The following CCSER1 variants were observed in gnomAD, a reference collection of about 807,000 sequenced individuals.
CCSER1 encodes serine-rich coiled-coil domain-containing protein 1.
A neutral mutation model predicts 82.0 loss-of-function variants in CCSER1; 41 were observed. The observed-to-expected ratio is 0.50, with a 90% CI of 0.39 to 0.65. The LOEUF is 0.65. Among genes scored for constraint, CCSER1 ranks in the 30% least tolerant of loss-of-function variants. The probability of loss-of-function intolerance (pLI) is 0.00; values close to 1 mark genes in which losing one functional copy is unlikely to be tolerated. For missense variants in CCSER1, 1,119 were observed against 1,064.2 expected (o/e 1.05, Z -0.72); for synonymous variants, 414 against 383.9 (o/e 1.08, Z -0.92).
chr4:91,200,842 A>T (rs1735847086), intron 10 of CCSER1, among the ~76,000 whole-genome samples: 1 of 152,028 alleles, frequency 6.6e-6, no homozygotes, highest in South Asian at 2.1e-4. Flanking sequence ...CATATCTATA[A>T]TGTATTTGAT....
At chr4:90,797,513 C>A (rs1756204377) in intron 7 of CCSER1, among the ~76,000 whole-genome samples, 1 of 152,154 alleles carries the variant, frequency 6.6e-6, no homozygotes. Flanking sequence ...GGATTTGATT[C>A]TGTTATGATG....
intron 10 of CCSER1, among the ~76,000 whole-genome samples, chr4:91,363,272 G>A (rs1432064757): frequency 6.6e-6 from 1 of 151,518 alleles, no homozygotes; most frequent in Admixed American, 6.6e-5. Flanking sequence ...TTTACGTCTA[G>A]CAGATTAATT....
chr4:90,822,366 T>C (rs888714108), intron 8 of CCSER1, among the ~76,000 whole-genome samples: 2 of 152,202 alleles, frequency 1.3e-5, no homozygotes, highest in Non-Finnish European at 2.9e-5. Flanking sequence ...TTGGACACTT[T>C]TATTTGTTTT....
At chr4:91,382,777 A>G (rs1751005598) in intron 10 of CCSER1, among the ~76,000 whole-genome samples, 1 of 152,016 alleles carries the variant, frequency 6.6e-6, no homozygotes, top group South Asian at 2.1e-4. Flanking sequence ...AAATGCAGAA[A>G]TCACCCGTCT....
chr4:90,653,563 C>G (rs1425390152), intron 6 of CCSER1, among the ~76,000 whole-genome samples: 1 of 151,976 alleles, frequency 6.6e-6, no homozygotes, highest in Non-Finnish European at 1.5e-5. Flanking sequence ...ACAGGGTGTA[C>G]ATTCGTAAGT....
At chr4:91,212,118 A>G (rs1454895248) in intron 10 of CCSER1, among the ~76,000 whole-genome samples, 1 of 152,056 alleles carries the variant, frequency 6.6e-6, no homozygotes, top group Non-Finnish European at 1.5e-5. Flanking sequence ...AAAATTTTAG[A>G]TAAAAGCATT....
chr4:91,553,377 G>T, intron 10 of CCSER1, among the ~76,000 whole-genome samples: 1 of 151,372 alleles, frequency 6.6e-6, no homozygotes, highest in Non-Finnish European at 1.5e-5. Flanking sequence ...CAATGTTCTT[G>T]TCTGGCTATG....
At chr4:90,386,986 T>C (rs551042436) in intron 3 of CCSER1, among the ~76,000 whole-genome samples, 20 of 152,314 alleles carry the variant, frequency 1.3e-4, no homozygotes, top group Middle Eastern at 6.8e-3. Flanking sequence ...TAGGAAACTT[T>C]TCTTTCTTGT....
intron 3 of CCSER1, among the ~76,000 whole-genome samples, chr4:90,365,571 G>T (rs191997457): frequency 6.6e-6 from 1 of 151,684 alleles, no homozygotes; most frequent in African/African-American, 2.4e-5. Flanking sequence ...TGCTTTGTAG[G>T]CTCCTATTTG....
chr4:90,613,981 T>C (rs1720733717), intron 5 of CCSER1, among the ~76,000 whole-genome samples: 1 of 152,162 alleles, frequency 6.6e-6, no homozygotes, highest in Admixed American at 6.5e-5. Context: ...TACACAGTGC[T>C]TCCCACATAC....
At chr4:90,912,085 C>A (rs1405111701) in intron 8 of CCSER1, among the ~76,000 whole-genome samples, 1 of 152,196 alleles carries the variant, frequency 6.6e-6, no homozygotes, top group African/African-American at 2.4e-5. Flanking sequence ...GCAGCAGAAA[C>A]CTCTGCAGAC....
chr4:90,998,723 GTTTTT>G (rs3043069), intron 9 of CCSER1, among the ~76,000 whole-genome samples: 2 of 150,276 alleles, frequency 1.3e-5, no homozygotes, highest in Non-Finnish European at 3.0e-5. Flanking sequence ...GCATTACACA[GTTTTT>G]TTTTTTTACT....
chr4:90,604,702 G>A (rs978986323), intron 5 of CCSER1, among the ~76,000 whole-genome samples: 5 of 152,146 alleles, frequency 3.3e-5, no homozygotes, highest in Admixed American at 6.5e-5. Flanking sequence ...TCAGCACTTC[G>A]TGTCTAGCTC....
intron 4 of CCSER1, among the ~76,000 whole-genome samples, chr4:90,410,311 A>G (rs1754511951): frequency 6.6e-6 from 1 of 152,204 alleles, no homozygotes; most frequent in Non-Finnish European, 1.5e-5. Context: ...TCTCCACCCC[A>G]AATCAACAGA....
At chr4:91,048,619 TTAA>T (rs986936393) in intron 9 of CCSER1, among the ~76,000 whole-genome samples, 9 of 152,240 alleles carry the variant, frequency 5.9e-5, no homozygotes, top group South Asian at 2.1e-4. Context: ...TGTACATTAT[TTAA>T]TAATCTGATA....
At chr4:90,847,506 T>A (rs17017726) in intron 8 of CCSER1, among the ~76,000 whole-genome samples, 3 of 151,938 alleles carry the variant, frequency 2.0e-5, no homozygotes, top group Admixed American at 2.0e-4. Flanking sequence ...CACGTATCAG[T>A]TTTTTTTATT....
chr4:91,572,777 C>T (rs185908556), intron 10 of CCSER1, among the ~76,000 whole-genome samples: 1 of 145,584 alleles, frequency 6.9e-6, no homozygotes, highest in African/African-American at 2.5e-5. Context: ...GCCTGGGCAA[C>T]ATGTCAAAAC....
intron 10 of CCSER1, among the ~76,000 whole-genome samples, chr4:91,374,872 T>G (rs995748554): frequency 6.6e-6 from 1 of 152,168 alleles, no homozygotes; most frequent in Non-Finnish European, 1.5e-5. Context: ...GGTGCACACC[T>G]GTAGTACCAG....
intron 5 of CCSER1, among the ~76,000 whole-genome samples, chr4:90,523,577 A>G (rs930012646): frequency 6.6e-6 from 1 of 152,178 alleles, no homozygotes; most frequent in African/African-American, 2.4e-5. Flanking sequence ...GGATTTGAGA[A>G]TACAGTTTTG....
Sources: allele counts gnomAD v4.1 joint callset (sites outside exome capture counted in the v4.1 genomes callset), GRCh38; gene constraint gnomAD v4.1.1; transcripts MANE v1.5; gene names NCBI Gene and HGNC (gene_info 2026-07-23, HGNC 2026-07-21).